The following ARHGAP35 variants were observed in gnomAD, a reference collection of about 807,000 sequenced individuals.
ARHGAP35 encodes the protein Rho GTPase activating protein 35.
In ARHGAP35, 15 loss-of-function variants were observed where a neutral mutation model predicts 111.1. The observed-to-expected ratio is 0.13, with a 90% CI of 0.09 to 0.21. The LOEUF (loss-of-function observed/expected upper bound fraction) is 0.21. ARHGAP35 is among the 10% of genes least tolerant of loss of function. ARHGAP35 has a pLI of 1.00. For synonymous variants in ARHGAP35, 643 were observed against 710.3 expected (o/e 0.91, Z 1.51); for missense variants, 1,262 against 1,873.0 (o/e 0.67, Z 6.02).
intron 2 of ARHGAP35, among the ~76,000 whole-genome samples, chr19:46,934,498 G>A (rs913136131): frequency 1.1e-4 from 16 of 151,676 alleles, no homozygotes; most frequent in African/African-American, 2.9e-4. Flanking sequence ...CTCCTGAGTA[G>A]CTGGGATTAC....
chr19:46,989,469 C>T lies in ARHGAP35; in HGVS notation c.3905-75C>T, dbSNP rs1048848229. On this transcript the variant is annotated intron_variant, in intron 4 of 6. Coordinates refer to ENST00000672722, the MANE Select transcript of ARHGAP35 (RefSeq NM_004491.5). This position sits in a 1 kb window ranked among gnomAD's most constrained non-coding sequence, Gnocchi z 5.3. Reference sequence around the variant, plus strand: ...GCTCCTTGAGGTTTCTCTAGCCTCTCCTGAGCCCCGAGTTGTCCTGATGCT... The same window carrying T: ...GCTCCTTGAGGTTTCTCTAGCCTCTTCTGAGCCCCGAGTTGTCCTGATGCT... 45 of 1,586,478 alleles carry T rather than the reference C, an allele frequency of 2.8e-5. No homozygotes were observed. The highest frequency in any genetic ancestry group is 6.8e-5 in the Admixed American group (4 of 58,546).
At chr19:46,897,254 A>G (rs1365741393) in intron 1 of ARHGAP35, among the ~76,000 whole-genome samples, 1 of 151,856 alleles carries the variant, frequency 6.6e-6, no homozygotes, top group African/African-American at 2.4e-5. Context: ...GCCCATTTTC[A>G]TCAGTCATCC....
chr19:46,932,677 AATT>A (rs2056279814), intron 2 of ARHGAP35, among the ~76,000 whole-genome samples: 1 of 152,198 alleles, frequency 6.6e-6, no homozygotes, highest in South Asian at 2.1e-4. Context: ...CAAGAGTTCC[AATT>A]TTGTGACACC....
Position 46,953,883 on chromosome 19 carries a change from G to A in ARHGAP35, c.3826+16475G>A, listed in dbSNP as rs117742865. The stretch of plus-strand genomic sequence containing the variant: ...TCACACGGTGTCGTGCCTCTGCGTC[G>A]TTGTTAAACACTGTTCCTGCTGCCT... On this transcript the variant is annotated intron_variant, in intron 3 of 6. Coordinates refer to ENST00000672722, the MANE Select transcript of ARHGAP35 (RefSeq NM_004491.5). Among the ~76,000 whole-genome samples the A allele has an allele frequency of 5.3e-5, 8 of 150,442 alleles. No homozygotes were observed. The East Asian group carries it at 7.7e-4, about 15-fold the overall frequency.
At chr19:46,939,810 C>T (rs2056334382) in intron 3 of ARHGAP35, among the ~76,000 whole-genome samples, 1 of 152,116 alleles carries the variant, frequency 6.6e-6, no homozygotes, top group Admixed American at 6.5e-5. Context: ...CAACATTGAT[C>T]TAGTACTAAT....
rs750177820 is a variant in ARHGAP35 at position 47,000,625 on chromosome 19, C to T, written c.4437C>T (p.Pro1479=). 1.2e-6 allele frequency: 2 copies of T among 1,610,412 alleles called. No individual in the cohort carries two copies. The highest frequency in any genetic ancestry group is 1.7e-6 in the Non-Finnish European group (2 of 1,178,208). Residue 1479 remains proline (P), a synonymous_variant, in exon 7 of 7, where the codon CCC becomes CCT. Coordinates refer to ENST00000672722, the MANE Select transcript of ARHGAP35 (RefSeq NM_004491.5). The surrounding 1 kb of genome is among the most constrained non-coding windows in gnomAD (Gnocchi z 6.9). ...CGTCGCCCCCACAGTCGCCTCCACCCACCCCCCAGTCCCCAATGCAGCCAC... is the reference window on the plus strand; with the variant it reads ...CGTCGCCCCCACAGTCGCCTCCACCTACCCCCCAGTCCCCAATGCAGCCAC... ...SQPSPPQSPP[P]TPQSPMQPLL... is the part of the protein sequence containing the mutation.
At chr19:46,905,230 A>G (rs1203817281) in intron 1 of ARHGAP35, among the ~76,000 whole-genome samples, 1 of 152,216 alleles carries the variant, frequency 6.6e-6, no homozygotes, top group Non-Finnish European at 1.5e-5. Context: ...AAAACAAACA[A>G]AAAGAAAACA....
chr19:46,916,631 G>T (rs1038344138), intron 1 of ARHGAP35, among the ~76,000 whole-genome samples: 1 of 151,244 alleles, frequency 6.6e-6, no homozygotes, highest in Non-Finnish European at 1.5e-5. Context: ...AAACCATCTC[G>T]TATTTACACA....
At position 46,993,591 on chromosome 19, in the gene ARHGAP35, C is replaced by T. The variant is rs2056690944; in HGVS notation, c.4036+3916C>T. On this transcript the variant is annotated intron_variant, in intron 5 of 6. Coordinates refer to ENST00000672722, the MANE Select transcript of ARHGAP35 (RefSeq NM_004491.5). This position sits in a 1 kb window ranked among gnomAD's most constrained non-coding sequence, Gnocchi z 4.6. ...TCCCTGTGCCCTCTGTCTGTCCCCT[C>T]CCCTCCCTCCTGAGTTCTTGGGGTC... 6.6e-6 allele frequency among the ~76,000 whole-genome samples: 1 copy of T among 152,164 alleles called. No homozygotes were observed. The highest frequency in any genetic ancestry group is 2.1e-4 in the South Asian group (1 of 4,830).
Position 46,993,063 on chromosome 19 carries a change from G to A in ARHGAP35, c.4036+3388G>A, listed in dbSNP as rs1032919706. On this transcript the variant is annotated intron_variant, in intron 5 of 6. Coordinates refer to ENST00000672722, the MANE Select transcript of ARHGAP35 (RefSeq NM_004491.5). The surrounding 1 kb of genome is among the most constrained non-coding windows in gnomAD (Gnocchi z 4.6). ...GCCAGGCCCCGTGTGGACAGGGACA[G>A]ATGGCAGTGGGCACACACATATGTG... 7.2e-5 allele frequency among the ~76,000 whole-genome samples: 11 copies of A among 152,242 alleles called. No homozygotes were observed. Among genetic ancestry groups the A allele is most frequent in the Admixed American group, 2.0e-4 (3 of 15,290 alleles).
At chr19:46,864,911 C>T (rs1026213422) in intron 1 of ARHGAP35, among the ~76,000 whole-genome samples, 1 of 152,176 alleles carries the variant, frequency 6.6e-6, no homozygotes. Flanking sequence ...ACTGTGTATG[C>T]AGTACTGCTT....
chr19:46,957,544 T>C (rs1209489968), intron 3 of ARHGAP35, among the ~76,000 whole-genome samples: 1 of 152,120 alleles, frequency 6.6e-6, no homozygotes, highest in Non-Finnish European at 1.5e-5. Flanking sequence ...GCCTGGGAGC[T>C]CAAGGCTTCA....
In ARHGAP35 at chr19:46,922,070, A is replaced by G; in HGVS notation, c.3395A>G (p.Asn1132Ser). ...INKAQSNGSGNGSDSEMDTSS... is the reference protein window; with the variant it reads ...INKAQSNGSGSGSDSEMDTSS... ...AAAGCCCAGTCCAACGGCAGCGGGA[A>G]TGGTTCTGACAGTGAAATGGACACC... Residue 1132 changes from asparagine (N) to serine (S), a missense_variant, in exon 2 of 7, where the codon AAT becomes AGT. Transcript: ENST00000672722. The surrounding 1 kb of genome is among the most constrained non-coding windows in gnomAD (Gnocchi z 4.0). 3 of 1,614,032 alleles carry G rather than the reference A, an allele frequency of 1.9e-6. No homozygotes were observed. The highest frequency in any genetic ancestry group is 1.7e-6 in the Non-Finnish European group (2 of 1,179,880).
rs973667931 is a variant in ARHGAP35 at position 47,002,134 on chromosome 19, CTA to C, written c.*1447_*1448del. Reference sequence around the variant, plus strand: ...GCCTCTGCGGCCAGGAAGCCTGACACTAGGCACCCCCCAGGCGAGAGCTAGTG... The same window carrying C: ...GCCTCTGCGGCCAGGAAGCCTGACACGGCACCCCCCAGGCGAGAGCTAGTG... On this transcript the variant is annotated 3_prime_UTR_variant, in exon 7 of 7. Coordinates refer to ENST00000672722, the MANE Select transcript of ARHGAP35 (RefSeq NM_004491.5). 17 of 152,990 alleles carry C rather than the reference CTA, an allele frequency of 1.1e-4. No homozygotes were observed. The highest frequency in any genetic ancestry group is 4.1e-4 in the African/African-American group (17 of 41,606). The allele number at this position is 152,990 out of a possible 1,614,324, so 9.5% of individuals were successfully genotyped here. A position where few individuals can be genotyped will look rare whatever the true frequency, so the allele number is the denominator to read the frequency against.
At chr19:46,964,459 T>C (rs2056501823) in intron 3 of ARHGAP35, among the ~76,000 whole-genome samples, 1 of 152,062 alleles carries the variant, frequency 6.6e-6, no homozygotes, top group South Asian at 2.1e-4. Flanking sequence ...GGTCTCACCA[T>C]GTTGCCCAAG....
At position 46,945,088 on chromosome 19, in the gene ARHGAP35, G is replaced by A. The variant is rs374215936; in HGVS notation, c.3826+7680G>A. Among the ~76,000 whole-genome samples the A allele has an allele frequency of 6.6e-6, 1 of 152,118 alleles. No homozygotes were observed. Among genetic ancestry groups the A allele is most frequent in the Non-Finnish European group, 1.5e-5 (1 of 68,030 alleles). On this transcript the variant is annotated intron_variant, in intron 3 of 6. Coordinates refer to ENST00000672722, the MANE Select transcript of ARHGAP35 (RefSeq NM_004491.5). This position sits in a 1 kb window ranked among gnomAD's most constrained non-coding sequence, Gnocchi z 4.1. ...ATTCGACTTTCACTCTCTCAGCTCC[G>A]GTTACATGGAAAGGCTGGATGAGGG... is the stretch of plus-strand genomic sequence containing the variant.
At chr19:46,866,534 C>T (rs546548743) in intron 1 of ARHGAP35, among the ~76,000 whole-genome samples, 2 of 152,282 alleles carry the variant, frequency 1.3e-5, no homozygotes, top group South Asian at 4.1e-4. Flanking sequence ...AGTCTGAAGC[C>T]TGGAGTGCTG....
intron 3 of ARHGAP35, among the ~76,000 whole-genome samples, chr19:46,952,512 C>T (rs1414778718): frequency 2.0e-5 from 3 of 152,206 alleles, no homozygotes; most frequent in Non-Finnish European, 4.4e-5. Context: ...TTTCCACGTG[C>T]TTAACAAGAA....
intron 3 of ARHGAP35, among the ~76,000 whole-genome samples, chr19:46,984,256 A>G (rs1028929646): frequency 9.2e-5 from 14 of 152,184 alleles, no homozygotes; most frequent in Admixed American, 1.3e-4. Context: ...GGTGGAGGTC[A>G]CTGTTGGTAA....
Sources: gnomAD v4.1 joint callset for allele counts (sites outside exome capture counted in the v4.1 genomes callset) on GRCh38, gnomAD v4.1.1 for gene constraint, Gnocchi (gnomAD v3.1) non-coding constraint, MANE v1.5 for transcripts, NCBI Gene and HGNC (gene_info 2026-07-23, HGNC 2026-07-21) for gene names.